The following FSTL4 variants were observed in gnomAD, a reference collection of about 807,000 sequenced individuals.
The protein encoded by FSTL4 is follistatin-related protein 4.
Under a neutral mutation model 78.2 loss-of-function variants are expected in FSTL4, and 28 were observed. That is an observed-to-expected ratio of 0.36 (90% CI 0.27 to 0.49). The LOEUF (loss-of-function observed/expected upper bound fraction) is 0.49, where lower values mean the gene tolerates loss of function less well. Ranked by LOEUF, FSTL4 falls within the 20% of genes least tolerant of loss-of-function variation. The probability of loss-of-function intolerance (pLI) is 0.98; values close to 1 mark genes in which losing one functional copy is unlikely to be tolerated. For missense variants in FSTL4, 922 were observed against 1,084.9 expected (o/e 0.85, Z 2.11); for synonymous variants, 422 against 440.5 (o/e 0.96, Z 0.53).
At chr5:133,525,420 G>A (rs1759073554) in intron 3 of FSTL4, among the ~76,000 whole-genome samples, 1 of 152,202 alleles carries the variant, frequency 6.6e-6, no homozygotes, top group Non-Finnish European at 1.5e-5. Flanking sequence ...GAGAATTAGA[G>A]CAAGCTAAAT....
At chr5:133,832,747 A>G in the FSTL4 span, among the ~76,000 whole-genome samples, 1 of 152,224 alleles carries the variant, frequency 6.6e-6, no homozygotes, top group Non-Finnish European at 1.5e-5. Flanking sequence ...AGGTGGTTTA[A>G]AACAAGAGGC....
chr5:133,465,730 G>A (rs956850695), intron 3 of FSTL4, among the ~76,000 whole-genome samples: 2 of 152,206 alleles, frequency 1.3e-5, no homozygotes, highest in African/African-American at 4.8e-5. Flanking sequence ...GGTGGGCCTG[G>A]GTGACAGCGA....
intron 4 of FSTL4, among the ~76,000 whole-genome samples, chr5:133,358,674 A>G (rs1353186619): frequency 1.4e-5 from 2 of 139,086 alleles, no homozygotes; most frequent in Admixed American, 1.6e-4. Context: ...ATCTCAGTTC[A>G]CTGCAACCTC....
the FSTL4 span, among the ~76,000 whole-genome samples, chr5:133,790,368 C>A: frequency 6.6e-6 from 1 of 152,166 alleles, no homozygotes; most frequent in Non-Finnish European, 1.5e-5. Context: ...ACAGCTCTTA[C>A]TTCATTGGTT....
intron 2 of FSTL4, among the ~76,000 whole-genome samples, chr5:133,595,827 G>C (rs942031891): frequency 2.0e-5 from 3 of 152,314 alleles, no homozygotes; most frequent in East Asian, 1.9e-4. Context: ...AAACCTAAAG[G>C]CTGGAGAGGG....
intron 6 of FSTL4, among the ~76,000 whole-genome samples, chr5:133,260,958 G>T (rs1561647775): frequency 1.3e-5 from 2 of 152,194 alleles, no homozygotes; most frequent in Non-Finnish European, 2.9e-5. Flanking sequence ...GGCTGGAGAT[G>T]TTGGGAGGAG....
the FSTL4 span, among the ~76,000 whole-genome samples, chr5:133,759,721 G>C: frequency 6.6e-6 from 1 of 152,120 alleles, no homozygotes; most frequent in African/African-American, 2.4e-5. Context: ...TCATGCCGTG[G>C]GATATTTTAG....
At chr5:133,764,956 C>T in the FSTL4 span, among the ~76,000 whole-genome samples, 3 of 152,380 alleles carry the variant, frequency 2.0e-5, no homozygotes, top group East Asian at 5.8e-4. Context: ...ATCTTTTCCT[C>T]ACATACGTGG....
intron 15 of FSTL4, 121 bp downstream of exon 15, chr5:133,201,812 A>G (rs1388308883): frequency 1.7e-6 from 1 of 603,434 alleles, no homozygotes; most frequent in Non-Finnish European, 3.0e-6. Flanking sequence ...GATGGGGTCC[A>G]AATCCAGCAT....
At chr5:133,352,609 C>T (rs995048820) in intron 4 of FSTL4, among the ~76,000 whole-genome samples, 1 of 152,076 alleles carries the variant, frequency 6.6e-6, no homozygotes, top group Non-Finnish European at 1.5e-5. Flanking sequence ...CAGATTTTAC[C>T]ATGTTGCCCA....
chr5:133,742,219 C>G, the FSTL4 span, among the ~76,000 whole-genome samples: 1 of 152,290 alleles, frequency 6.6e-6, no homozygotes, highest in African/African-American at 2.4e-5. Flanking sequence ...AAGAAACTAG[C>G]AGGGCCGCCC....
the FSTL4 span, among the ~76,000 whole-genome samples, chr5:133,780,793 A>T: frequency 6.6e-6 from 1 of 152,274 alleles, no homozygotes; most frequent in African/African-American, 2.4e-5. Context: ...TGGAGGCTAC[A>T]GAACTTGCTC....
intron 4 of FSTL4, among the ~76,000 whole-genome samples, chr5:133,394,329 C>G (rs1199495101): frequency 6.6e-6 from 1 of 152,244 alleles, no homozygotes; most frequent in East Asian, 1.9e-4. Context: ...GAGCCAGCTC[C>G]CTCTGCTTGC....
At chr5:133,525,883 T>C (rs183588533) in intron 3 of FSTL4, among the ~76,000 whole-genome samples, 1 of 152,180 alleles carries the variant, frequency 6.6e-6, no homozygotes, top group African/African-American at 2.4e-5. Flanking sequence ...GTGGGAACTG[T>C]CAATATTCTC....
chr5:133,367,711 CTG>C (rs1042202467), intron 4 of FSTL4, among the ~76,000 whole-genome samples: 4 of 152,178 alleles, frequency 2.6e-5, no homozygotes, highest in Admixed American at 6.5e-5. Context: ...TTCCCTGCTA[CTG>C]TGGGGTTTCT....
the FSTL4 span, among the ~76,000 whole-genome samples, chr5:133,823,060 A>G: frequency 0.03 from 4,638 of 152,306 alleles, 253 homozygotes; most frequent in African/African-American, 0.11. Flanking sequence ...CAGGTAAAGC[A>G]TATGGTACAT....
chr5:133,603,465 AT>A (rs1760911856), intron 2 of FSTL4, among the ~76,000 whole-genome samples: 1 of 152,192 alleles, frequency 6.6e-6, no homozygotes, highest in Non-Finnish European at 1.5e-5. Flanking sequence ...AAAGTAGTCC[AT>A]TTCTTTTCAA....
chr5:133,379,164 G>A (rs1166226802), intron 4 of FSTL4, among the ~76,000 whole-genome samples: 1 of 151,948 alleles, frequency 6.6e-6, no homozygotes, highest in African/African-American at 2.4e-5. Context: ...ATAACCAGGT[G>A]TTATATAAAC....
chr5:133,736,087 C>G, the FSTL4 span, among the ~76,000 whole-genome samples: 1 of 152,258 alleles, frequency 6.6e-6, no homozygotes, highest in East Asian at 1.9e-4. Context: ...TGGAGGGTAC[C>G]AGGAACCAAC....
Sources: allele counts gnomAD v4.1 joint callset (sites outside exome capture counted in the v4.1 genomes callset), GRCh38; gene constraint gnomAD v4.1.1; transcripts MANE v1.5; gene names NCBI Gene and HGNC (gene_info 2026-07-23, HGNC 2026-07-21).